Variants in AFG2A observed in about 807,000 individuals in gnomAD.
AFG2A encodes the protein ATPase family gene 2 protein homolog A.
the AFG2A span, among the ~76,000 whole-genome samples, chr4:123,170,373 T>G: frequency 6.6e-6 from 1 of 152,220 alleles, no homozygotes; most frequent in Non-Finnish European, 1.5e-5. Context: ...TCTTTATTTT[T>G]CTATACCCCT....
At chr4:123,271,032 T>C in the AFG2A span, among the ~76,000 whole-genome samples, 10 of 152,208 alleles carry the variant, frequency 6.6e-5, no homozygotes, top group Non-Finnish European at 1.3e-4. Flanking sequence ...ATATCATATA[T>C]GCCAAATTTT....
the AFG2A span, among the ~76,000 whole-genome samples, chr4:123,151,534 G>T: frequency 6.6e-6 from 1 of 152,086 alleles, no homozygotes; most frequent in African/African-American, 2.4e-5. Context: ...AGAAAAAAAG[G>T]TCATCACTGG....
chr4:122,972,382 C>T, the AFG2A span, among the ~76,000 whole-genome samples: 2 of 151,696 alleles, frequency 1.3e-5, no homozygotes, highest in Non-Finnish European at 2.9e-5. Flanking sequence ...GGAAATGTGT[C>T]TCTTCTCTCA....
the AFG2A span, among the ~76,000 whole-genome samples, chr4:122,946,460 A>G: frequency 1.3e-5 from 2 of 152,216 alleles, no homozygotes; most frequent in Admixed American, 1.3e-4. Context: ...GATTCGCTGT[A>G]GTCCATGCAT....
At chr4:123,096,925 C>T in the AFG2A span, among the ~76,000 whole-genome samples, 1 of 152,016 alleles carries the variant, frequency 6.6e-6, no homozygotes, top group East Asian at 1.9e-4. Context: ...TAAGACATAA[C>T]ATTTTGTTTT....
At chr4:123,136,256 G>C in the AFG2A span, among the ~76,000 whole-genome samples, 2 of 152,020 alleles carry the variant, frequency 1.3e-5, no homozygotes, top group African/African-American at 4.8e-5. Flanking sequence ...TCTGTTGGCC[G>C]GGTGCGGTGG....
chr4:123,313,903 A>G, the AFG2A span: 2 of 1,593,740 alleles, frequency 1.3e-6, no homozygotes, highest in Non-Finnish European at 1.7e-6. Flanking sequence ...AGCTGTCTGC[A>G]GAGAGGCAGC....
chr4:123,218,400 CT>C, the AFG2A span, among the ~76,000 whole-genome samples: 1 of 151,972 alleles, frequency 6.6e-6, no homozygotes, highest in South Asian at 2.1e-4. Context: ...CAGATTTTGC[CT>C]TTAAGAACAA....
At chr4:122,976,039 A>G in the AFG2A span, among the ~76,000 whole-genome samples, 4 of 152,336 alleles carry the variant, frequency 2.6e-5, no homozygotes, top group Non-Finnish European at 5.9e-5. Flanking sequence ...GTTTATATAT[A>G]AAAGTTCAAA....
the AFG2A span, among the ~76,000 whole-genome samples, chr4:123,123,750 A>T: frequency 3.3e-5 from 5 of 151,794 alleles, no homozygotes; most frequent in African/African-American, 1.2e-4. Context: ...GATCGAGACC[A>T]TCCTGGCTAA....
At chr4:123,175,583 C>G in the AFG2A span, among the ~76,000 whole-genome samples, 1 of 152,174 alleles carries the variant, frequency 6.6e-6, no homozygotes, top group Non-Finnish European at 1.5e-5. Flanking sequence ...AGCAATGTCA[C>G]AGTCCTTTGT....
At chr4:123,252,343 C>T in the AFG2A span, among the ~76,000 whole-genome samples, 2 of 152,020 alleles carry the variant, frequency 1.3e-5, no homozygotes, top group African/African-American at 4.8e-5. Context: ...CAAAACAAAA[C>T]AAACAAAAAT....
chr4:122,940,394 A>AT, the AFG2A span, among the ~76,000 whole-genome samples: 2 of 152,190 alleles, frequency 1.3e-5, no homozygotes, highest in South Asian at 2.1e-4. Flanking sequence ...GATGATGAGC[A>AT]TTTTTTCATG....
the AFG2A span, among the ~76,000 whole-genome samples, chr4:123,005,035 T>C: frequency 6.6e-6 from 1 of 152,230 alleles, no homozygotes; most frequent in Non-Finnish European, 1.5e-5. Context: ...TTTTAATATC[T>C]GTTGGATCAG....
At chr4:123,044,882 AATTTCCAATATTAT>A in the AFG2A span, among the ~76,000 whole-genome samples, 1 of 151,530 alleles carries the variant, frequency 6.6e-6, no homozygotes. Flanking sequence ...TGCACTTTAA[AATTTCCAATATTAT>A]ATCTTTTAGC....
the AFG2A span, among the ~76,000 whole-genome samples, chr4:123,258,604 TA>T: frequency 1.3e-5 from 2 of 152,256 alleles, no homozygotes; most frequent in South Asian, 4.1e-4. Context: ...ACTTTGGGTA[TA>T]AAAATGAAAC....
the AFG2A span, among the ~76,000 whole-genome samples, chr4:123,068,556 C>T: frequency 6.6e-6 from 1 of 152,094 alleles, no homozygotes; most frequent in Non-Finnish European, 1.5e-5. Context: ...ATAGATGCTA[C>T]ATAATAACAG....
At chr4:123,013,297 A>G in the AFG2A span, among the ~76,000 whole-genome samples, 3 of 152,080 alleles carry the variant, frequency 2.0e-5, no homozygotes, top group African/African-American at 7.2e-5. Context: ...ATCTAGATGT[A>G]TATATAGGTG....
chr4:123,093,658 A>G, the AFG2A span, among the ~76,000 whole-genome samples: 1 of 152,164 alleles, frequency 6.6e-6, no homozygotes, highest in Non-Finnish European at 1.5e-5. Context: ...AGGGCTGCAG[A>G]TGGGCACAGG....
Sources: gnomAD v4.1 joint callset for allele counts (sites outside exome capture counted in the v4.1 genomes callset) on GRCh38, gnomAD v4.1.1 for gene constraint, MANE v1.5 for transcripts, NCBI Gene and HGNC (gene_info 2026-07-23, HGNC 2026-07-21) for gene names.